Variants in CADPS observed in about 807,000 individuals in gnomAD.
CADPS encodes calcium dependent secretion activator.
In CADPS, 57 loss-of-function variants were observed where a neutral mutation model predicts 167.3. The ratio of observed to expected loss-of-function variants is 0.34; its 90% CI spans 0.28 to 0.42. CADPS has a LOEUF of 0.42. Among genes scored for constraint, CADPS ranks in the 20% least tolerant of loss-of-function variants. CADPS has a pLI of 1.00. For synonymous variants in CADPS, 676 were observed against 635.3 expected (o/e 1.06, Z -0.96); for missense variants, 1,414 against 1,738.1 (o/e 0.81, Z 3.32).
chr3:62,710,826 C>A (rs998139721), intron 3 of CADPS, among the ~76,000 whole-genome samples: 1 of 152,044 alleles, frequency 6.6e-6, no homozygotes, highest in Non-Finnish European at 1.5e-5. Context: ...ATTATCAGAG[C>A]AAAGAGGAAA....
intron 9 of CADPS, among the ~76,000 whole-genome samples, chr3:62,570,020 T>C (rs2080997570): frequency 6.6e-6 from 1 of 152,180 alleles, no homozygotes; most frequent in Non-Finnish European, 1.5e-5. Context: ...TGTATTAACA[T>C]CAATATCCGC....
intron 1 of CADPS, among the ~76,000 whole-genome samples, chr3:62,784,237 C>T (rs1559604707): frequency 6.6e-6 from 1 of 152,148 alleles, no homozygotes; most frequent in Non-Finnish European, 1.5e-5. Context: ...TTATTTAAAT[C>T]GTAACATTAC....
intron 3 of CADPS, among the ~76,000 whole-genome samples, chr3:62,671,085 C>A (rs2075427442): frequency 6.6e-6 from 1 of 152,174 alleles, no homozygotes. Context: ...TGTCTGTGCC[C>A]TTATTTGCAA....
At chr3:62,710,324 C>A (rs752340043) in intron 3 of CADPS, among the ~76,000 whole-genome samples, 79 of 151,708 alleles carry the variant, frequency 5.2e-4, no homozygotes, top group Non-Finnish European at 2.4e-4. Context: ...TTCCTGGGCC[C>A]TGGCCCAGAC....
rs567672444 is a variant in CADPS at position 62,718,493 on chromosome 3, T to C, written c.888+34948A>G. ...CAGGTCCAAAGGGCAAAATCTAAGC[T>C]TCTTGTCTTCTGTAGCATAGCCAGG... On this transcript the variant is annotated intron_variant, in intron 3 of 29. Coordinates refer to ENST00000383710, the MANE Select transcript of CADPS (RefSeq NM_003716.4). 6.6e-5 allele frequency among the ~76,000 whole-genome samples: 10 copies of C among 152,306 alleles called. No individual in the cohort carries two copies. The South Asian group carries it at 1.9e-3, about 28-fold the overall frequency.
chr3:62,443,487 C>A (rs1451953912), intron 27 of CADPS, among the ~76,000 whole-genome samples: 1 of 152,042 alleles, frequency 6.6e-6, no homozygotes, highest in Non-Finnish European at 1.5e-5. Context: ...TGTCCCCACC[C>A]AAATCTCATC....
chr3:62,673,974 C>T (rs763665040), intron 3 of CADPS, among the ~76,000 whole-genome samples: 40 of 152,124 alleles, frequency 2.6e-4, no homozygotes, highest in Non-Finnish European at 5.1e-4. Flanking sequence ...CTAATCAAAT[C>T]GAATGCTTTT....
chr3:62,660,305 T>C (rs1480564413), intron 4 of CADPS, among the ~76,000 whole-genome samples: 1 of 152,200 alleles, frequency 6.6e-6, no homozygotes, highest in Non-Finnish European at 1.5e-5. Context: ...TGCAGATGAA[T>C]GGACCAAATG....
chr3:62,724,272 C>G lies in CADPS; in HGVS notation c.888+29169G>C, dbSNP rs765811178. Among the ~76,000 whole-genome samples the G allele has an allele frequency of 5.3e-5, 8 of 152,136 alleles. No homozygotes were observed. In the East Asian group the frequency reaches 1.2e-3, roughly 22 times the overall value. On this transcript the variant is annotated intron_variant, in intron 3 of 29. Transcript: ENST00000383710. The stretch of plus-strand genomic sequence containing the variant: ...GATTTTTTCCTCATCCACATGTCTA[C>G]GAGCTTTTATCTCAGTCACTCTCAA...
intron 3 of CADPS, among the ~76,000 whole-genome samples, chr3:62,749,034 A>G (rs1251125377): frequency 1.3e-5 from 2 of 152,092 alleles, no homozygotes; most frequent in African/African-American, 4.8e-5. Flanking sequence ...AAATAGCTAC[A>G]TAATTGACTG....
chr3:62,780,946 T>G (rs1300390224), intron 1 of CADPS, among the ~76,000 whole-genome samples: 3 of 152,190 alleles, frequency 2.0e-5, no homozygotes, highest in African/African-American at 7.2e-5. Context: ...GGCAGTAAAG[T>G]GCTATCCAAT....
At chr3:62,590,488 C>CT (rs986180192) in intron 7 of CADPS, among the ~76,000 whole-genome samples, 6 of 152,196 alleles carry the variant, frequency 3.9e-5, no homozygotes, top group African/African-American at 1.4e-4. Context: ...TCATCATCCC[C>CT]TTTCCTCCCA....
chr3:62,687,110 G>A (rs34619747), intron 3 of CADPS, among the ~76,000 whole-genome samples: 12,073 of 152,214 alleles, frequency 0.079, 635 homozygotes, highest in Non-Finnish European at 0.12. Context: ...ACACCGAAAG[G>A]AGATTTGTTA....
At chr3:62,726,867 T>G (rs1355893954) in intron 3 of CADPS, among the ~76,000 whole-genome samples, 1 of 151,866 alleles carries the variant, frequency 6.6e-6, no homozygotes. Flanking sequence ...AGTTTCCATC[T>G]GGTATTGGTA....
At position 62,474,170 on chromosome 3, in the gene CADPS, T is replaced by TTTTTTTTTTTA; in HGVS notation, c.3477+2_3477+3insTAAAAAAAAAA. The TTTTTTTTTTTA allele has an allele frequency of 3.4e-6, 5 of 1,475,384 alleles. No individual in the cohort carries two copies. The highest frequency in any genetic ancestry group is 4.5e-6 in the Non-Finnish European group (5 of 1,105,872). 91.4% of individuals were successfully genotyped at this position (1,475,384 alleles called of 1,614,324 possible). ...AAATCTGTATTTTTTTTTTTTTTTT[T>TTTTTTTTTTTA]ACCTCTTGGCCCATTTCCATGCTGC... On this transcript the variant is annotated splice_region_variant and intron_variant, in intron 24 of 29. Transcript: ENST00000383710.
chr3:62,835,653 C>G (rs780405249), intron 1 of CADPS, among the ~76,000 whole-genome samples: 3 of 152,050 alleles, frequency 2.0e-5, no homozygotes, highest in African/African-American at 7.2e-5. Flanking sequence ...AAAGAGGGGA[C>G]GTGGCAAATC....
chr3:62,525,413 A>G (rs1257603347), intron 13 of CADPS, among the ~76,000 whole-genome samples: 5 of 152,112 alleles, frequency 3.3e-5, no homozygotes, highest in Non-Finnish European at 7.4e-5. Context: ...AGAGAGCATG[A>G]CTCAGCCATG....
chr3:62,657,312 A>C (rs1036619422), intron 4 of CADPS, among the ~76,000 whole-genome samples: 16 of 152,164 alleles, frequency 1.1e-4, no homozygotes, highest in African/African-American at 3.6e-4. Flanking sequence ...TTGAAGAACC[A>C]ATGGTGTTTT....
chr3:62,526,676 G>A (rs185782010), intron 13 of CADPS, among the ~76,000 whole-genome samples: 2 of 152,230 alleles, frequency 1.3e-5, no homozygotes, highest in East Asian at 1.9e-4. Context: ...TTTTATGATC[G>A]CCAAATGCAA....
Sources: allele counts gnomAD v4.1 joint callset (sites outside exome capture counted in the v4.1 genomes callset), GRCh38; gene constraint gnomAD v4.1.1; transcripts MANE v1.5; gene names NCBI Gene and HGNC (gene_info 2026-07-23, HGNC 2026-07-21).